The following PIP5K1B variants were observed in gnomAD, a reference collection of about 807,000 sequenced individuals.
PIP5K1B encodes phosphatidylinositol 4-phosphate 5-kinase type-1 beta.
In PIP5K1B, 42 loss-of-function variants were observed where a neutral mutation model predicts 67.0. That is an observed-to-expected ratio of 0.63 (90% CI 0.49 to 0.81). The LOEUF (loss-of-function observed/expected upper bound fraction) is 0.81. Ranked by LOEUF, PIP5K1B falls within the 30% of genes least tolerant of loss-of-function variation. The probability of loss-of-function intolerance (pLI) is 0.00; values close to 1 mark genes in which losing one functional copy is unlikely to be tolerated. For synonymous variants in PIP5K1B, 214 were observed against 231.4 expected, an observed-to-expected ratio of 0.92 and a Z score of 0.68; for missense variants, 459 against 646.3, an observed-to-expected ratio of 0.71 and a Z score of 3.14.
chr9:68,998,072 CTT>C (rs542788542), intron 15 of PIP5K1B, among the ~76,000 whole-genome samples: 1 of 127,018 alleles, frequency 7.9e-6, no homozygotes. Flanking sequence ...TTTTTCTTTT[CTT>C]TTTTTTTTTT....
intron 14 of PIP5K1B, among the ~76,000 whole-genome samples, chr9:68,943,793 T>A (rs1374588107): frequency 6.6e-6 from 1 of 152,266 alleles, no homozygotes; most frequent in Non-Finnish European, 1.5e-5. Context: ...TTATGTTATA[T>A]GTATCTGTGC....
At chr9:68,890,029 G>A (rs1422413404) in intron 7 of PIP5K1B, among the ~76,000 whole-genome samples, 1 of 152,130 alleles carries the variant, frequency 6.6e-6, no homozygotes, top group Non-Finnish European at 1.5e-5. Flanking sequence ...GATAAATTAA[G>A]TAACTTGCCA....
At chr9:68,855,442 G>T (rs1386794319) in intron 4 of PIP5K1B, among the ~76,000 whole-genome samples, 2 of 152,160 alleles carry the variant, frequency 1.3e-5, no homozygotes, top group Non-Finnish European at 2.9e-5. Context: ...CTCCAGACTT[G>T]TATGTTAGCA....
intron 2 of PIP5K1B, among the ~76,000 whole-genome samples, chr9:68,786,633 T>C (rs1564134923): frequency 6.6e-6 from 1 of 152,102 alleles, no homozygotes. Flanking sequence ...AGGAAGTTTT[T>C]TTTTTAGTAA....
chr9:68,781,255 T>C (rs889479628), intron 2 of PIP5K1B: 2 of 559,596 alleles, frequency 3.6e-6, no homozygotes, highest in Admixed American at 3.6e-5. Context: ...ATAAGTGTGT[T>C]GAAGCATACA....
At chr9:68,780,107 G>A (rs1831161691) in intron 2 of PIP5K1B, 1 of 1,477,264 alleles carries the variant, frequency 6.8e-7, no homozygotes, top group Non-Finnish European at 8.9e-7. Flanking sequence ...CCTGGACTGC[G>A]GGGAATGGGA....
At chr9:68,879,585 A>AAT (rs1053224599) in intron 6 of PIP5K1B, among the ~76,000 whole-genome samples, 12 of 152,136 alleles carry the variant, frequency 7.9e-5, no homozygotes, top group Non-Finnish European at 1.8e-4. Context: ...TAAAAATAAA[A>AAT]ATAAATAAAA....
intron 2 of PIP5K1B, among the ~76,000 whole-genome samples, chr9:68,754,900 A>G (rs1259935372): frequency 6.6e-6 from 1 of 152,184 alleles, no homozygotes; most frequent in Middle Eastern, 3.2e-3. Flanking sequence ...TTTTTTAAAT[A>G]ACATGTTATC....
chr9:68,826,765 T>G (rs1337267220), intron 4 of PIP5K1B, among the ~76,000 whole-genome samples: 1 of 152,202 alleles, frequency 6.6e-6, no homozygotes, highest in Non-Finnish European at 1.5e-5. Flanking sequence ...TATTTTTATT[T>G]TTTTGAGATG....
intron 1 of PIP5K1B, among the ~76,000 whole-genome samples, chr9:68,712,772 A>T (rs1480990978): frequency 6.6e-6 from 1 of 152,252 alleles, no homozygotes; most frequent in African/African-American, 2.4e-5. Context: ...CACTGTCTCT[A>T]TTTAAAGACT....
At chr9:68,948,661 C>A (rs1827916044) in intron 14 of PIP5K1B, among the ~76,000 whole-genome samples, 1 of 145,026 alleles carries the variant, frequency 6.9e-6, no homozygotes, top group African/African-American at 2.5e-5. Flanking sequence ...AAAAAAGGAA[C>A]CTGCAGAAGT....
chr9:68,796,485 C>G (rs1033216654), intron 2 of PIP5K1B, among the ~76,000 whole-genome samples: 3 of 152,120 alleles, frequency 2.0e-5, no homozygotes, highest in African/African-American at 4.8e-5. Context: ...GTTTGGAGCT[C>G]CTGTGTGTGA....
rs144413201 is a variant in PIP5K1B, at chr9:68,917,688, C to T, written c.912C>T (p.Tyr304=). The change falls in exon 9 of 16, where the codon TAC becomes TAT. Residue 304 remains tyrosine, a synonymous_variant. Coordinates refer to ENST00000265382, the MANE Select transcript of PIP5K1B (RefSeq NM_003558.4). Reference sequence around the variant, plus strand: ...GGACTGGGATGCAGAAGGTTCTCTACTCAACAGCCATGGAATCTATCCAGG... The same window carrying T: ...GGACTGGGATGCAGAAGGTTCTCTATTCAACAGCCATGGAATCTATCCAGG... The part of the protein sequence containing the change: ...AKRTGMQKVL[Y]STAMESIQGP... 68 of 1,614,034 alleles carry T rather than the reference C, an allele frequency of 4.2e-5. 1 individual carries two copies. In the African/African-American group the frequency reaches 5.2e-4, roughly 12 times the overall value.
intron 8 of PIP5K1B, among the ~76,000 whole-genome samples, chr9:68,904,808 A>G (rs777259252): frequency 2.6e-5 from 4 of 151,422 alleles, no homozygotes; most frequent in Admixed American, 1.3e-4. Flanking sequence ...CAAAATTTCT[A>G]TAGAAAGAAT....
intron 2 of PIP5K1B, among the ~76,000 whole-genome samples, chr9:68,744,367 T>C (rs1829169293): frequency 6.6e-6 from 1 of 152,256 alleles, no homozygotes; most frequent in Non-Finnish European, 1.5e-5. Flanking sequence ...TTAAAATTTA[T>C]TCAGTGGAAA....
At chr9:68,953,403 G>A (rs1023767024) in intron 14 of PIP5K1B, among the ~76,000 whole-genome samples, 3 of 151,772 alleles carry the variant, frequency 2.0e-5, no homozygotes, top group Non-Finnish European at 4.4e-5. Flanking sequence ...TTTAGTCTCG[G>A]TTTTCATCCA....
intron 12 of PIP5K1B, among the ~76,000 whole-genome samples, chr9:68,927,253 G>A (rs1267919535): frequency 1.3e-5 from 2 of 152,132 alleles, no homozygotes; most frequent in African/African-American, 2.4e-5. Flanking sequence ...GGTTTTGTAT[G>A]GGCATGTATT....
intron 2 of PIP5K1B, among the ~76,000 whole-genome samples, chr9:68,764,742 G>A (rs1373659217): frequency 1.3e-5 from 2 of 152,052 alleles, no homozygotes; most frequent in African/African-American, 4.8e-5. Flanking sequence ...CTAGTTACAG[G>A]TGATAAACTA....
intron 1 of PIP5K1B, among the ~76,000 whole-genome samples, chr9:68,718,479 A>C (rs1162981217): frequency 2.0e-5 from 3 of 152,226 alleles, no homozygotes; most frequent in Admixed American, 1.3e-4. Context: ...TCCTTCAGAC[A>C]TTAAGCCTGC....
Sources: allele counts gnomAD v4.1 joint callset (sites outside exome capture counted in the v4.1 genomes callset), GRCh38; gene constraint gnomAD v4.1.1; transcripts MANE v1.5; gene names NCBI Gene and HGNC (gene_info 2026-07-23, HGNC 2026-07-21).